ATP6V1C1: variants seen among roughly 807,000 people sequenced by gnomAD.
ATP6V1C1 encodes V-type proton ATPase subunit C 1.
ATP6V1C1 carries 45 observed loss-of-function variants against 53.9 expected under a neutral mutation model. The observed-to-expected ratio is 0.83, with a 90% CI of 0.66 to 1.07. The LOEUF is 1.07. ATP6V1C1 is among the 50% of genes least tolerant of loss of function. The probability of loss-of-function intolerance (pLI) is 0.00; values close to 1 mark genes in which losing one functional copy is unlikely to be tolerated. For missense variants in ATP6V1C1, 315 were observed against 440.3 expected (o/e 0.72, Z 2.55); for synonymous variants, 153 against 155.2 (o/e 0.99, Z 0.11).
chr8:103,021,962 G>A lies in ATP6V1C1; in HGVS notation c.-40+737G>A, dbSNP rs574375612. ...AGGGAAAAATCACATGCTTCAGTGC[G>A]AGCCCAGTACTTAGCGCCGCTCTGG... On this transcript the variant is annotated intron_variant, in intron 1 of 12. Coordinates refer to ENST00000518738, the MANE Select transcript of ATP6V1C1 (RefSeq NM_001695.5). 4.6e-5 allele frequency among the ~76,000 whole-genome samples: 7 copies of A among 152,248 alleles called. No individual in the cohort carries two copies. In the South Asian group the frequency reaches 1.0e-3, roughly 23 times the overall value.
At chr8:103,060,923 G>A (rs1417614620) in intron 8 of ATP6V1C1, among the ~76,000 whole-genome samples, 1 of 152,144 alleles carries the variant, frequency 6.6e-6, no homozygotes. Flanking sequence ...AAATGCTTTT[G>A]GAAGGGTCTT....
At chr8:103,054,513 A>G (rs141160564) in intron 7 of ATP6V1C1, among the ~76,000 whole-genome samples, 26 of 152,254 alleles carry the variant, frequency 1.7e-4, no homozygotes, top group African/African-American at 5.8e-4. Context: ...GCCATAGATG[A>G]TATGTGAACG....
intron 12 of ATP6V1C1, among the ~76,000 whole-genome samples, chr8:103,067,296 G>A (rs891258541): frequency 6.6e-6 from 1 of 150,968 alleles, no homozygotes; most frequent in African/African-American, 2.4e-5. Context: ...CTACTCGGGA[G>A]CCTGAGGCAG....
intron 2 of ATP6V1C1, among the ~76,000 whole-genome samples, chr8:103,041,189 A>G (rs1480449243): frequency 1.3e-5 from 2 of 152,246 alleles, no homozygotes; most frequent in East Asian, 3.8e-4. Context: ...CTAAATTGCA[A>G]TGAAAAATCT....
chr8:103,048,897 G>A lies in ATP6V1C1; in HGVS notation c.228G>A (p.Met76Ile), dbSNP rs1189490950. The A allele has an allele frequency of 1.9e-6, 3 of 1,613,164 alleles. No individual in the cohort carries two copies. In the Admixed American group the frequency reaches 5.0e-5, roughly 27 times the overall value. Residue 76 changes from methionine (M) to isoleucine (I), a missense_variant, in exon 4 of 13, where the codon ATG (methionine) becomes ATA (isoleucine). Transcript: ENST00000518738. ...TGGTTAAGAAAGTAGCTCAATACAT[G>A]GCTGATGTATTGGAAGATAGCAAAG... Reference protein sequence around the residue: ...EGVVKKVAQYMADVLEDSKDK... With the variant: ...EGVVKKVAQYIADVLEDSKDK...
intron 8 of ATP6V1C1, among the ~76,000 whole-genome samples, chr8:103,061,871 T>C (rs1417688624): frequency 3.3e-5 from 5 of 152,202 alleles, no homozygotes; most frequent in Admixed American, 2.0e-4. Flanking sequence ...AGGACTTCTA[T>C]ACAGGAGGCA....
chr8:103,029,447 T>C (rs902609921), intron 1 of ATP6V1C1, among the ~76,000 whole-genome samples: 2 of 152,112 alleles, frequency 1.3e-5, no homozygotes, highest in Admixed American at 1.3e-4. Flanking sequence ...TTTTTGTATT[T>C]AGTAGAGAAG....
intron 1 of ATP6V1C1, among the ~76,000 whole-genome samples, chr8:103,039,714 C>G (rs1341664883): frequency 6.6e-6 from 1 of 151,928 alleles, no homozygotes; most frequent in African/African-American, 2.4e-5. Context: ...CTTTTTTCCC[C>G]CTTCTGTGTG....
intron 1 of ATP6V1C1, among the ~76,000 whole-genome samples, chr8:103,033,953 G>T (rs1816845212): frequency 6.6e-6 from 1 of 152,200 alleles, no homozygotes; most frequent in African/African-American, 2.4e-5. Context: ...ACATATTGGG[G>T]AAGAGATGAT....
chr8:103,067,597 T>C (rs922386091), intron 12 of ATP6V1C1, among the ~76,000 whole-genome samples: 1 of 150,338 alleles, frequency 6.7e-6, no homozygotes, highest in African/African-American at 2.4e-5. Context: ...TTTTTCTTTT[T>C]CTTTTTTTTT....
intron 1 of ATP6V1C1, among the ~76,000 whole-genome samples, chr8:103,037,252 G>A (rs1014117464): frequency 6.6e-6 from 1 of 152,106 alleles, no homozygotes; most frequent in Admixed American, 6.6e-5. Context: ...TAGTACAGGT[G>A]TAGCCTGAAC....
intron 11 of ATP6V1C1, among the ~76,000 whole-genome samples, chr8:103,065,545 G>A (rs1817473445): frequency 6.6e-6 from 1 of 151,932 alleles, no homozygotes; most frequent in South Asian, 2.1e-4. Context: ...CTCCAGCCTG[G>A]GCAACAGAGC....
At chr8:103,062,277 C>A (rs1478772089) in intron 8 of ATP6V1C1, among the ~76,000 whole-genome samples, 1 of 142,146 alleles carries the variant, frequency 7.0e-6, no homozygotes, top group Non-Finnish European at 1.5e-5. Flanking sequence ...CTCCAGTGAT[C>A]CTCCCACCTC....
chr8:103,024,593 A>G (rs1816662838), intron 1 of ATP6V1C1, among the ~76,000 whole-genome samples: 1 of 152,216 alleles, frequency 6.6e-6, no homozygotes, highest in Non-Finnish European at 1.5e-5. Context: ...AAATCTGTCT[A>G]CAGGTTACAT....
At chr8:103,029,825 C>T (rs555639071) in intron 1 of ATP6V1C1, among the ~76,000 whole-genome samples, 5 of 151,990 alleles carry the variant, frequency 3.3e-5, no homozygotes, top group South Asian at 4.2e-4. Flanking sequence ...CTCTGCCTCC[C>T]GGGTTCAAGT....
intron 3 of ATP6V1C1, 61 bp from the exon 4 acceptor site, chr8:103,048,809 G>A: frequency 7.2e-7 from 1 of 1,396,686 alleles, no homozygotes; most frequent in South Asian, 1.2e-5. Flanking sequence ...TATGTTCATT[G>A]TATAGAATGG....
intron 6 of ATP6V1C1, among the ~76,000 whole-genome samples, chr8:103,053,523 G>A (rs1249949721): frequency 6.6e-6 from 1 of 151,884 alleles, no homozygotes; most frequent in Non-Finnish European, 1.5e-5. Context: ...AACACTAAAG[G>A]TATTGTGCTT....
intron 5 of ATP6V1C1, 91 bp from the exon 6 acceptor site, chr8:103,052,640 T>A (rs1315719670): frequency 1.3e-5 from 8 of 620,648 alleles, no homozygotes; most frequent in African/African-American, 1.1e-4. Flanking sequence ...TGGGTTTTTT[T>A]GTAGAAGTTA....
intron 1 of ATP6V1C1, among the ~76,000 whole-genome samples, chr8:103,033,391 A>G (rs147686200): frequency 1.3e-5 from 2 of 152,382 alleles, no homozygotes; most frequent in East Asian, 3.9e-4. Context: ...CTAACCAACT[A>G]TAATCCAGGT....
Sources: allele counts gnomAD v4.1 joint callset (sites outside exome capture counted in the v4.1 genomes callset), GRCh38; gene constraint gnomAD v4.1.1; transcripts MANE v1.5; gene names NCBI Gene and HGNC (gene_info 2026-07-23, HGNC 2026-07-21).